The following IL1RAPL2 variants were observed in gnomAD, a reference collection of about 807,000 sequenced individuals.
IL1RAPL2 encodes interleukin 1 receptor accessory protein like 2.
A neutral mutation model predicts 44.1 loss-of-function variants in IL1RAPL2; 3 were observed. That is an observed-to-expected ratio of 0.07 (90% confidence interval 0.03 to 0.18). IL1RAPL2 has a LOEUF of 0.18. IL1RAPL2 is among the 10% of genes least tolerant of loss of function. The pLI is 1.00. For missense variants in IL1RAPL2, 391 were observed against 496.4 expected (o/e 0.79, Z 2.02); for synonymous variants, 181 against 178.8 (o/e 1.01, Z -0.10).
intron 2 of IL1RAPL2, among the ~76,000 whole-genome samples, chrX:104,998,590 A>G (rs1366120221): frequency 9.0e-6 from 1 of 110,512 alleles, no homozygotes; most frequent in African/African-American, 3.3e-5. Context: ...CCTGGGAAAC[A>G]TAGTGAAACA....
intron 6 of IL1RAPL2, among the ~76,000 whole-genome samples, chrX:105,582,350 T>G (rs192092255): frequency 1.1e-3 from 120 of 111,434 alleles, no homozygotes; most frequent in African/African-American, 3.5e-3. Context: ...ATTTCTACAA[T>G]TAAAAAACCT....
chrX:105,513,103 CT>C (rs1337746225), intron 6 of IL1RAPL2, among the ~76,000 whole-genome samples: 1 of 111,143 alleles, frequency 9.0e-6, no homozygotes, highest in Non-Finnish European at 1.9e-5. Context: ...TGAACTCATC[CT>C]TTTTTATGGC....
At chrX:105,219,449 G>C in intron 3 of IL1RAPL2, 2 of 1,209,800 alleles carry the variant, frequency 1.7e-6, no homozygotes, top group Non-Finnish European at 2.2e-6. Context: ...GCATCTCCAA[G>C]GAGCTGCAGG....
intron 2 of IL1RAPL2, among the ~76,000 whole-genome samples, chrX:105,036,715 C>T (rs1156228711): frequency 9.0e-6 from 1 of 111,626 alleles, no homozygotes; most frequent in African/African-American, 3.3e-5. Flanking sequence ...TCAAGAATTC[C>T]CCAAATTTCA....
At chrX:105,546,136 T>G (rs1261927068) in intron 6 of IL1RAPL2, among the ~76,000 whole-genome samples, 1 of 111,138 alleles carries the variant, frequency 9.0e-6, no homozygotes, top group Non-Finnish European at 1.9e-5. Context: ...CTAATAAAAT[T>G]TATGCCTTGG....
chrX:105,340,541 A>G, intron 5 of IL1RAPL2, among the ~76,000 whole-genome samples: 1 of 110,114 alleles, frequency 9.1e-6, no homozygotes, highest in Non-Finnish European at 1.9e-5. Flanking sequence ...TCTCTCCTTC[A>G]CTCCCTTCAC....
At chrX:104,894,701 A>G (rs1923582447) in intron 2 of IL1RAPL2, among the ~76,000 whole-genome samples, 1 of 111,280 alleles carries the variant, frequency 9.0e-6, no homozygotes, top group Admixed American at 9.5e-5. Flanking sequence ...TCTTTTTTCC[A>G]GGTTTTTAGC....
intron 6 of IL1RAPL2, among the ~76,000 whole-genome samples, chrX:105,670,147 A>C (rs1483917506): frequency 3.2e-4 from 12 of 37,523 alleles, no homozygotes; most frequent in South Asian, 1.2e-3. Context: ...ATATATATAT[A>C]TCTCCACCAG....
chrX:105,408,329 A>T (rs1223165393), intron 5 of IL1RAPL2, among the ~76,000 whole-genome samples: 1 of 111,171 alleles, frequency 9.0e-6, no homozygotes, highest in Non-Finnish European at 1.9e-5. Context: ...CCTCCCTACC[A>T]ATGACCTGGT....
intron 2 of IL1RAPL2, among the ~76,000 whole-genome samples, chrX:104,685,222 A>G (rs1252257152): frequency 8.9e-6 from 1 of 112,049 alleles, no homozygotes. Context: ...TTGAAAGTCC[A>G]CTCAGGCATT....
chrX:105,579,699 A>G lies in IL1RAPL2; in HGVS notation c.772+95312A>G, dbSNP rs143361566. Among the ~76,000 whole-genome samples, 250 of 111,763 alleles carry G rather than the reference A, an allele frequency of 2.2e-3. 2 individuals carry two copies. Among genetic ancestry groups the G allele is most frequent in the African/African-American group, 7.8e-3 (240 of 30,843 alleles). On this transcript the variant is annotated intron_variant, in intron 6 of 10. Transcript: ENST00000372582. ...ATAATAGATAAAGAACTAAGGCCCA[A>G]AGAGTAACACTAACTTGCTCAAGAT...
At chrX:105,134,266 C>CT (rs1380195811) in intron 2 of IL1RAPL2, among the ~76,000 whole-genome samples, 1 of 112,203 alleles carries the variant, frequency 8.9e-6, no homozygotes, top group African/African-American at 3.2e-5. Context: ...TAGCCAATGG[C>CT]TTAAATGAAA....
chrX:105,046,103 G>A (rs984841300), intron 2 of IL1RAPL2, among the ~76,000 whole-genome samples: 12 of 111,285 alleles, frequency 1.1e-4, no homozygotes, highest in African/African-American at 3.3e-4. Flanking sequence ...AGTACATGAA[G>A]TGCTCAAGCT....
chrX:104,868,419 A>G (rs898452353), intron 2 of IL1RAPL2, among the ~76,000 whole-genome samples: 2 of 111,777 alleles, frequency 1.8e-5, no homozygotes, highest in African/African-American at 6.5e-5. Context: ...AATTACCTGT[A>G]TCTGCTCTGA....
At chrX:104,584,709 A>G (rs1214879639) in intron 1 of IL1RAPL2, among the ~76,000 whole-genome samples, 3 of 110,947 alleles carry the variant, frequency 2.7e-5, no homozygotes, top group Admixed American at 1.9e-4. Flanking sequence ...AAACCACTCT[A>G]TACACCCACT....
intron 6 of IL1RAPL2, among the ~76,000 whole-genome samples, chrX:105,557,270 G>GC (rs1295792881): frequency 9.0e-6 from 1 of 110,938 alleles, no homozygotes; most frequent in Admixed American, 9.6e-5. Context: ...AGAGACCATT[G>GC]CCCCAAAGTC....
chrX:104,840,687 T>A (rs1286100097), intron 2 of IL1RAPL2, among the ~76,000 whole-genome samples: 1 of 108,080 alleles, frequency 9.3e-6, no homozygotes, highest in Non-Finnish European at 1.9e-5. Context: ...TTTTTTTTTT[T>A]TTTTGAGACA....
intron 2 of IL1RAPL2, among the ~76,000 whole-genome samples, chrX:104,866,789 G>A (rs1323326382): frequency 1.8e-5 from 2 of 111,663 alleles, no homozygotes; most frequent in Non-Finnish European, 3.8e-5. Context: ...CATTGTTAGG[G>A]TTTTAACACT....
chrX:104,756,113 C>G (rs763249822), intron 2 of IL1RAPL2, among the ~76,000 whole-genome samples: 3 of 110,971 alleles, frequency 2.7e-5, no homozygotes, highest in South Asian at 7.5e-4. Context: ...ATATAGCACT[C>G]TTCCCTAATA....
Sources: allele counts gnomAD v4.1 joint callset (sites outside exome capture counted in the v4.1 genomes callset), GRCh38; gene constraint gnomAD v4.1.1; transcripts MANE v1.5; gene names NCBI Gene and HGNC (gene_info 2026-07-23, HGNC 2026-07-21).